PCDH15: variants seen among roughly 807,000 people sequenced by gnomAD.
PCDH15 encodes protocadherin related 15.
PCDH15 carries 129 observed loss-of-function variants against 178.5 expected under a neutral mutation model. The ratio of observed to expected loss-of-function variants is 0.72; its 90% CI spans 0.63 to 0.84. The LOEUF (loss-of-function observed/expected upper bound fraction) is 0.84. PCDH15 is among the 40% of genes least tolerant of loss of function. The pLI, the probability that PCDH15 is intolerant of heterozygous loss-of-function variation, is 0.00. For missense variants in PCDH15, 2,230 were observed against 2,099.9 expected (o/e 1.06, Z -1.21); for synonymous variants, 800 against 732.0 (o/e 1.09, Z -1.50).
At chr10:55,510,199 T>C (rs1840848530) in intron 2 of PCDH15, among the ~76,000 whole-genome samples, 1 of 152,008 alleles carries the variant, frequency 6.6e-6, no homozygotes, top group Non-Finnish European at 1.5e-5. Context: ...GTTGATAGTG[T>C]TTTAATAACT....
At chr10:55,230,917 T>A (rs1841197586) in intron 1 of PCDH15, among the ~76,000 whole-genome samples, 1 of 152,058 alleles carries the variant, frequency 6.6e-6, no homozygotes, top group African/African-American at 2.4e-5. Flanking sequence ...AGGCCTTAAA[T>A]GCCCAACCAG....
In PCDH15 at chr10:54,577,993, G is replaced by C. The variant is rs1930159; in HGVS notation, c.92-50116C>G. Among the ~76,000 whole-genome samples the C allele has an allele frequency of 2.0e-5, 3 of 152,166 alleles. No homozygotes were observed. The East Asian group carries it at 5.8e-4, about 29-fold the overall frequency. On this transcript the variant is annotated intron_variant, in intron 2 of 37. Transcript: ENST00000644397. Reference sequence around the variant, plus strand: ...AGTTAAATGAATCGAAAGTAAATTAGGATTAAATTGTATAACATTGATTCA... The same window carrying C: ...AGTTAAATGAATCGAAAGTAAATTACGATTAAATTGTATAACATTGATTCA...
At chr10:54,171,247 C>T (rs1047004333) in intron 13 of PCDH15, among the ~76,000 whole-genome samples, 3 of 152,050 alleles carry the variant, frequency 2.0e-5, no homozygotes, top group African/African-American at 2.4e-5. Flanking sequence ...TACGGTCCTC[C>T]GTCTTCAAGA....
chr10:53,959,301 C>T (rs1045439494), intron 23 of PCDH15, among the ~76,000 whole-genome samples: 4 of 150,690 alleles, frequency 2.7e-5, no homozygotes, highest in Admixed American at 1.3e-4. Context: ...TACATATTTA[C>T]ACACACAAAC....
At chr10:53,873,350 G>T (rs920298490) in intron 26 of PCDH15, among the ~76,000 whole-genome samples, 5 of 152,186 alleles carry the variant, frequency 3.3e-5, no homozygotes, top group African/African-American at 1.2e-4. Flanking sequence ...GTATAATGCT[G>T]TTGCTGCTTC....
At chr10:54,167,223 T>C (rs2046325682) in intron 13 of PCDH15, among the ~76,000 whole-genome samples, 1 of 152,142 alleles carries the variant, frequency 6.6e-6, no homozygotes, top group East Asian at 1.9e-4. Context: ...ACCTATGACC[T>C]CAGGTCCTCA....
chr10:55,288,407 T>A (rs1386546297), intron 1 of PCDH15, among the ~76,000 whole-genome samples: 2 of 151,770 alleles, frequency 1.3e-5, no homozygotes, highest in Admixed American at 1.3e-4. Context: ...GAAACGTGAA[T>A]CAAAAGAAAA....
At chr10:54,910,264 A>G (rs2131833823) in intron 2 of PCDH15, among the ~76,000 whole-genome samples, 1 of 152,290 alleles carries the variant, frequency 6.6e-6, no homozygotes, top group African/African-American at 2.4e-5. Context: ...TTCTTCTGTC[A>G]TCAAGGTACA....
chr10:55,536,028 G>A (rs1841571426), intron 2 of PCDH15, among the ~76,000 whole-genome samples: 1 of 151,874 alleles, frequency 6.6e-6, no homozygotes, highest in South Asian at 2.1e-4. Flanking sequence ...TAAACTGAAA[G>A]CAACTATGAG....
At chr10:55,609,048 A>G (rs1212769031) in intron 2 of PCDH15, among the ~76,000 whole-genome samples, 1 of 149,000 alleles carries the variant, frequency 6.7e-6, no homozygotes, top group African/African-American at 2.4e-5. Flanking sequence ...ACACACACGC[A>G]CACACATATA....
intron 2 of PCDH15, among the ~76,000 whole-genome samples, chr10:54,950,337 C>T (rs536709101): frequency 2.6e-5 from 4 of 152,092 alleles, no homozygotes; most frequent in Non-Finnish European, 4.4e-5. Context: ...CCATAATTCC[C>T]ATGTGTTGTG....
intron 29 of PCDH15, among the ~76,000 whole-genome samples, chr10:53,833,310 T>G (rs920446973): frequency 2.0e-5 from 3 of 152,100 alleles, no homozygotes; most frequent in Admixed American, 1.3e-4. Context: ...CTTTTTACAC[T>G]GCAAGAGCCC....
chr10:54,754,757 T>C (rs1946823942), intron 1 of PCDH15, among the ~76,000 whole-genome samples: 1 of 152,106 alleles, frequency 6.6e-6, no homozygotes, highest in Non-Finnish European at 1.5e-5. Flanking sequence ...AAAACGTTTA[T>C]GGACATAACC....
At chr10:55,219,189 T>C (rs1291949539) in intron 1 of PCDH15, among the ~76,000 whole-genome samples, 1 of 151,982 alleles carries the variant, frequency 6.6e-6, no homozygotes, top group Non-Finnish European at 1.5e-5. Flanking sequence ...TAAAGCTTCC[T>C]CATGATCAGT....
chr10:54,982,319 A>G (rs1214405785), intron 2 of PCDH15, among the ~76,000 whole-genome samples: 15 of 152,182 alleles, frequency 9.9e-5, no homozygotes, highest in Admixed American at 9.2e-4. Context: ...ACTAAACAGT[A>G]TGTAGAAAAT....
chr10:55,070,409 T>C (rs1400211907), intron 2 of PCDH15, among the ~76,000 whole-genome samples: 18 of 152,076 alleles, frequency 1.2e-4, no homozygotes, highest in African/African-American at 3.9e-4. Context: ...TTTATGGTTT[T>C]AGGTCTAACG....
At chr10:54,707,291 A>G (rs1381381783) in intron 1 of PCDH15, among the ~76,000 whole-genome samples, 1 of 152,196 alleles carries the variant, frequency 6.6e-6, no homozygotes, top group Non-Finnish European at 1.5e-5. Flanking sequence ...AATGAGTAGT[A>G]CATCATGCAA....
intron 18 of PCDH15, 96 bp downstream of exon 18, chr10:54,066,661 G>T (rs2094141690): frequency 1.6e-6 from 2 of 1,252,054 alleles, no homozygotes; most frequent in East Asian, 2.4e-5. Context: ...TCATTTAACA[G>T]ATTACATTAG....
intron 3 of PCDH15, among the ~76,000 whole-genome samples, chr10:54,460,914 A>G (rs1344435715): frequency 6.6e-6 from 1 of 152,166 alleles, no homozygotes; most frequent in African/African-American, 2.4e-5. Context: ...AGGAGAAATC[A>G]TGACATTAAA....
Sources: allele counts gnomAD v4.1 joint callset (sites outside exome capture counted in the v4.1 genomes callset), GRCh38; gene constraint gnomAD v4.1.1; transcripts MANE v1.5; gene names NCBI Gene and HGNC (gene_info 2026-07-23, HGNC 2026-07-21).